The following EDARADD variants were observed in gnomAD, a reference collection of about 807,000 sequenced individuals.
EDARADD encodes ectodysplasin-A receptor-associated adapter protein.
A neutral mutation model predicts 25.6 loss-of-function variants in EDARADD; 20 were observed. The observed-to-expected ratio is 0.78, with a 90% CI of 0.55 to 1.14. EDARADD has a LOEUF of 1.14. Ranked by LOEUF, EDARADD falls within the 50% of genes most tolerant of loss-of-function variation. The pLI is 0.00. For missense variants in EDARADD, 225 were observed against 270.1 expected (o/e 0.83, Z 1.17); for synonymous variants, 86 against 94.4 (o/e 0.91, Z 0.52).
At chr1:236,478,813 G>C (rs1043160248) in intron 5 of EDARADD, among the ~76,000 whole-genome samples, 3 of 152,112 alleles carry the variant, frequency 2.0e-5, no homozygotes, top group Non-Finnish European at 4.4e-5. Context: ...GTCTCCATCT[G>C]CTGACCTCAT....
In EDARADD at chr1:236,414,318, A is replaced by G. The variant is rs766969807; in HGVS notation, c.160+19A>G. ...CCTAAAGGTATGTACAGTTAAAATA[A>G]CTACTTGAACATGTGATTATTTTAA... On this transcript the variant is annotated intron_variant, in intron 3 of 5. Coordinates refer to ENST00000334232, the MANE Select transcript of EDARADD (RefSeq NM_145861.4). 2 of 1,582,248 alleles carry G rather than the reference A, an allele frequency of 1.3e-6. No homozygotes were observed. The highest frequency in any genetic ancestry group is 3.3e-5 in the Admixed American group (2 of 59,774).
chr1:236,438,772 G>A (rs1466906933), intron 4 of EDARADD, among the ~76,000 whole-genome samples: 1 of 152,042 alleles, frequency 6.6e-6, no homozygotes, highest in East Asian at 1.9e-4. Context: ...CTCATGCACA[G>A]CTCCACCCCC....
At chr1:236,384,929 T>A (rs1667334968) in intron 3 of EDARADD, among the ~76,000 whole-genome samples, 1 of 152,060 alleles carries the variant, frequency 6.6e-6, no homozygotes, top group Non-Finnish European at 1.5e-5. Context: ...TGCTTTAAAA[T>A]TTGGATACTC....
At chr1:236,416,627 T>C (rs1419227535) in intron 3 of EDARADD, among the ~76,000 whole-genome samples, 1 of 152,216 alleles carries the variant, frequency 6.6e-6, no homozygotes, top group Non-Finnish European at 1.5e-5. Context: ...CTGAATAGTA[T>C]TTTTTTCTTA....
chr1:236,393,871 A>G (rs759795566), upstream of EDARADD, among the ~76,000 whole-genome samples: 2 of 152,152 alleles, frequency 1.3e-5, no homozygotes, highest in Admixed American at 6.6e-5. Context: ...TTTGCGTCAT[A>G]CTTTATAGTT....
chr1:236,414,808 G>T (rs975385378), intron 3 of EDARADD, among the ~76,000 whole-genome samples: 1 of 152,058 alleles, frequency 6.6e-6, no homozygotes. Context: ...GGGAGGCAGA[G>T]GTTGCAGTGA....
intron 3 of EDARADD, among the ~76,000 whole-genome samples, chr1:236,385,275 G>A (rs1434589150): frequency 6.6e-6 from 1 of 151,664 alleles, no homozygotes; most frequent in South Asian, 2.1e-4. Context: ...CAGGCGTGGT[G>A]GTGGGTGCCT....
chr1:236,465,927 C>T (rs778562768), intron 4 of EDARADD, among the ~76,000 whole-genome samples: 6 of 152,174 alleles, frequency 3.9e-5, no homozygotes, highest in African/African-American at 4.8e-5. Context: ...ACAAGTAATT[C>T]GTATTTCCCT....
chr1:236,465,312 C>T (rs1571952466), intron 4 of EDARADD, among the ~76,000 whole-genome samples: 1 of 152,218 alleles, frequency 6.6e-6, no homozygotes, highest in African/African-American at 2.4e-5. Flanking sequence ...TCCCTGTTGT[C>T]CGGAATGACG....
chr1:236,429,139 C>T (rs895284367), intron 4 of EDARADD, among the ~76,000 whole-genome samples: 110 of 151,514 alleles, frequency 7.3e-4, no homozygotes, highest in Non-Finnish European at 1.4e-3. Flanking sequence ...AGGGGAGAGG[C>T]GGCAGTACAG....
At chr1:236,438,543 T>A (rs1002061078) in intron 4 of EDARADD, among the ~76,000 whole-genome samples, 1 of 152,116 alleles carries the variant, frequency 6.6e-6, no homozygotes, top group African/African-American at 2.4e-5. Context: ...GAGAGTCTGA[T>A]CAACAAAAAC....
intron 3 of EDARADD, among the ~76,000 whole-genome samples, chr1:236,363,963 C>G (rs542099060): frequency 1.3e-5 from 2 of 151,178 alleles, no homozygotes; most frequent in Non-Finnish European, 3.0e-5. Flanking sequence ...GTCAGGAGTT[C>G]GAGACCAGCC....
intron 3 of EDARADD, among the ~76,000 whole-genome samples, chr1:236,356,756 CAA>C (rs10550022): frequency 0.35 from 52,200 of 148,278 alleles, 9,214 homozygotes; most frequent in African/African-American, 0.44. Flanking sequence ...CAAAACAAAA[CAA>C]AAAAAAAAAC....
At chr1:236,436,366 C>T (rs552035829) in intron 4 of EDARADD, among the ~76,000 whole-genome samples, 142 of 152,062 alleles carry the variant, frequency 9.3e-4, no homozygotes, top group Non-Finnish European at 1.7e-3. Context: ...CTCACCATAT[C>T]GGCCAGACTG....
chr1:236,459,611 C>CCTTTTTTTTTTTTTTTTTTTTTTTTTT (rs776064017), intron 4 of EDARADD, among the ~76,000 whole-genome samples: 1 of 100,462 alleles, frequency 1.0e-5, no homozygotes. Flanking sequence ...TTATTTAGCT[C>CCTTTTTTTTTTTTTTTTTTTTTTTTTT]TTTTTTTTTT....
chr1:236,377,829 G>A (rs1014235950), intron 3 of EDARADD, among the ~76,000 whole-genome samples: 2 of 151,802 alleles, frequency 1.3e-5, no homozygotes, highest in Non-Finnish European at 2.9e-5. Flanking sequence ...CTGCACTCCA[G>A]CCTCACGACA....
intron 4 of EDARADD, 112 bp downstream of exon 4, chr1:236,427,562 C>T (rs1657957867): frequency 2.8e-6 from 3 of 1,062,746 alleles, no homozygotes; most frequent in Non-Finnish European, 4.2e-6. Context: ...ATTTCTAGAT[C>T]ATAAACAGGG....
chr1:236,433,428 C>G (rs1354126713), intron 4 of EDARADD, among the ~76,000 whole-genome samples: 1 of 151,830 alleles, frequency 6.6e-6, no homozygotes, highest in Non-Finnish European at 1.5e-5. Context: ...TCTCCCGCCT[C>G]AGCCCCAGAG....
rs1287468133 is a variant in EDARADD at position 236,405,816 on chromosome 1, C to T, written c.62-3400C>T. Reference sequence around the variant, plus strand: ...TTTCTTTTTCTTTCTTTCTTTCCTTCCTTCCTTTCCTTCCTTCCTTCCTTC... The same window carrying T: ...TTTCTTTTTCTTTCTTTCTTTCCTTTCTTCCTTTCCTTCCTTCCTTCCTTC... On this transcript the variant is annotated intron_variant, in intron 1 of 5. Coordinates refer to ENST00000334232, the MANE Select transcript of EDARADD (RefSeq NM_145861.4). 2.5e-3 allele frequency among the ~76,000 whole-genome samples: 296 copies of T among 118,432 alleles called. 6 individuals carry two copies. Among genetic ancestry groups the T allele is most frequent in the Admixed American group, 7.7e-3 (81 of 10,522 alleles). The allele number at this position is 118,432 out of a possible 152,430, so 77.7% of individuals were successfully genotyped here.
Sources: gnomAD v4.1 joint callset for allele counts (sites outside exome capture counted in the v4.1 genomes callset) on GRCh38, gnomAD v4.1.1 for gene constraint, MANE v1.5 for transcripts, NCBI Gene and HGNC (gene_info 2026-07-23, HGNC 2026-07-21) for gene names.